The following DSG2 variants were observed in gnomAD, a reference collection of about 807,000 sequenced individuals.
DSG2 encodes desmoglein 2.
DSG2 carries 45 observed loss-of-function variants against 75.6 expected under a neutral mutation model. The observed-to-expected ratio is 0.60, with a 90% CI of 0.47 to 0.76. The LOEUF is 0.76. Among genes scored for constraint, DSG2 ranks in the 30% least tolerant of loss-of-function variants. The pLI is 0.00. For synonymous variants in DSG2, 429 were observed against 483.9 expected, an observed-to-expected ratio of 0.89 and a Z score of 1.49; for missense variants, 1,267 against 1,357.4, an observed-to-expected ratio of 0.93 and a Z score of 1.05.
rs1259239046 is a variant in DSG2 at position 31,548,935 on chromosome 18, G to T, written c.*2192G>T. ...TGTTAGGGAGAGTGCCTTAAAGGCAGGTGTTTCTTGGACTTTGTTATTTAA... is the reference window on the plus strand; with the variant it reads ...TGTTAGGGAGAGTGCCTTAAAGGCATGTGTTTCTTGGACTTTGTTATTTAA... On this transcript the variant is annotated 3_prime_UTR_variant, in exon 15 of 15. Coordinates refer to ENST00000261590, the MANE Select transcript of DSG2 (RefSeq NM_001943.5). 6.6e-6 allele frequency: 1 copy of T among 152,148 alleles called. No homozygotes were observed. The highest frequency in any genetic ancestry group is 1.5e-5 in the Non-Finnish European group (1 of 68,020). 9.4% of individuals were successfully genotyped at this position (152,148 alleles called of 1,614,324 possible).
chr18:31,498,356 C>G (rs1366292980), intron 1 of DSG2, 60 bp downstream of exon 1: 1 of 1,244,864 alleles, frequency 8.0e-7, no homozygotes, highest in East Asian at 3.2e-5. Flanking sequence ...TAGGCGAGGT[C>G]TAGACCTCGC....
At chr18:31,512,335 T>C (rs1316295461) in intron 1 of DSG2, among the ~76,000 whole-genome samples, 1 of 152,184 alleles carries the variant, frequency 6.6e-6, no homozygotes. Context: ...CATTCACAGG[T>C]CTCTGTTGCC....
chr18:31,505,034 T>G (rs2073031958), intron 1 of DSG2, among the ~76,000 whole-genome samples: 1 of 152,168 alleles, frequency 6.6e-6, no homozygotes. Flanking sequence ...TCTTGCACAG[T>G]ACTGCCAAAA....
At chr18:31,524,362 G>A (rs2073147818) in intron 6 of DSG2, 86 bp from the exon 7 acceptor site, 1 of 1,523,338 alleles carries the variant, frequency 6.6e-7, no homozygotes. Context: ...ATATACTGTG[G>A]TACGTGATAA....
chr18:31,499,446 T>G (rs576896556), intron 1 of DSG2, among the ~76,000 whole-genome samples: 112 of 151,982 alleles, frequency 7.4e-4, no homozygotes, highest in African/African-American at 2.5e-3. Flanking sequence ...AACTCTCAGG[T>G]GGAAGAGCAT....
At chr18:31,525,573 T>C (rs773747979) in intron 8 of DSG2, among the ~76,000 whole-genome samples, 2 of 150,366 alleles carry the variant, frequency 1.3e-5, no homozygotes, top group African/African-American at 2.4e-5. Flanking sequence ...ACTAATAACA[T>C]CTAAAAATAA....
At position 31,536,301 on chromosome 18, in the gene DSG2, A is replaced by T. The variant is rs760273177; in HGVS notation, c.1523A>T (p.His508Leu). The T allele has an allele frequency of 6.2e-7, 1 of 1,614,204 alleles. No individual in the cohort carries two copies. Among genetic ancestry groups the T allele is most frequent in the Non-Finnish European group, 8.5e-7 (1 of 1,180,036 alleles). ...ATAGAGCCTGTGCAGACAATCTGTC[A>T]CGATGCAGAGTATGTGAATGTTACT... is the stretch of plus-strand genomic sequence containing the variant. ...TLIEPVQTIC[H>L]DAEYVNVTAE... is the part of the protein sequence containing the mutation. Residue 508 changes from histidine (H) to leucine (L), a missense_variant, in exon 11 of 15, where the codon CAC becomes CTC. His to Leu is a moderately conservative substitution (Grantham distance 99). Transcript: ENST00000261590.
intron 14 of DSG2, 135 bp downstream of exon 14, chr18:31,542,987 A>ATACT: frequency 6.6e-6 from 5 of 757,766 alleles, no homozygotes; most frequent in Non-Finnish European, 1.0e-5. Flanking sequence ...TTTTCAGGGA[A>ATACT]TACTTATAGG....
chr18:31,526,688 G>A (rs2073164831), intron 8 of DSG2, among the ~76,000 whole-genome samples: 1 of 152,182 alleles, frequency 6.6e-6, no homozygotes, highest in Non-Finnish European at 1.5e-5. Flanking sequence ...TGACAGAGGT[G>A]CTAGCATAGA....
chr18:31,537,511 C>T (rs1397282551), intron 11 of DSG2, among the ~76,000 whole-genome samples: 2 of 151,750 alleles, frequency 1.3e-5, no homozygotes, highest in African/African-American at 2.4e-5. Flanking sequence ...CCCAGCTACT[C>T]GGGAGGCTGA....
chr18:31,501,354 A>G (rs1391583430), intron 1 of DSG2, among the ~76,000 whole-genome samples: 2 of 152,212 alleles, frequency 1.3e-5, no homozygotes, highest in African/African-American at 2.4e-5. Flanking sequence ...TAAGGATTCA[A>G]TGATAGCAGA....
intron 5 of DSG2, among the ~76,000 whole-genome samples, 178 bp from the exon 6 acceptor site, chr18:31,521,905 T>A (rs1051106084): frequency 6.6e-6 from 1 of 152,226 alleles, no homozygotes; most frequent in Non-Finnish European, 1.5e-5. Flanking sequence ...TTTACTATTG[T>A]TATATCCCAT....
Position 31,546,694 on chromosome 18 carries a change from C to G in DSG2, c.3308C>G (p.Ser1103Cys), listed in dbSNP as rs2073314462. The part of the protein sequence containing the change: ...SGHSNSTITT[S>C]STRVTKHSTV... ...CATTCTAATTCTACCATAACCACAT[C>G]TTCCACCAGAGTTACCAAGCATAGC... The change falls in exon 15 of 15, where the codon TCT (serine) becomes TGT (cysteine). Residue 1103 changes from serine (S) to cysteine (C), a missense_variant. Transcript: ENST00000261590. The G allele has an allele frequency of 1.2e-6, 2 of 1,614,206 alleles. No homozygotes were observed. The highest frequency in any genetic ancestry group is 1.1e-5 in the South Asian group (1 of 91,090).
intron 8 of DSG2, among the ~76,000 whole-genome samples, chr18:31,527,042 C>T (rs1049446028): frequency 4.6e-5 from 7 of 152,042 alleles, no homozygotes; most frequent in African/African-American, 1.7e-4. Flanking sequence ...CCTTCATATC[C>T]ATTCACTCAC....
At position 31,518,142 on chromosome 18, in the gene DSG2, G is replaced by A. The variant is rs1461657094; in HGVS notation, c.46-97G>A. 11 of 988,876 alleles carry A rather than the reference G, an allele frequency of 1.1e-5. No individual in the cohort carries two copies. The African/African-American group carries it at 1.8e-4, about 16-fold the overall frequency. 61.3% of individuals were successfully genotyped at this position (988,876 alleles called of 1,614,324 possible). ...GTAGTAGTGGTTAAACTTTTTTTAT[G>A]TCTATAATATTCAATGCAGTAGGTT... On this transcript the variant is annotated intron_variant, in intron 1 of 14. Coordinates refer to ENST00000261590, the MANE Select transcript of DSG2 (RefSeq NM_001943.5).
Position 31,528,963 on chromosome 18 carries a change from C to G in DSG2, c.1015-2024C>G, listed in dbSNP as rs145783187. Among the ~76,000 whole-genome samples, 148 of 152,128 alleles carry G rather than the reference C, an allele frequency of 9.7e-4. No homozygotes were observed. The East Asian group carries it at 0.012, about 13-fold the overall frequency. ...TGATGATTGCAAATCCAGAACTCATCATGCTGTACACTTAAAATGGGCAAA... is the reference window on the plus strand; with the variant it reads ...TGATGATTGCAAATCCAGAACTCATGATGCTGTACACTTAAAATGGGCAAA... On this transcript the variant is annotated intron_variant, in intron 8 of 14. Coordinates refer to ENST00000261590, the MANE Select transcript of DSG2 (RefSeq NM_001943.5).
intron 1 of DSG2, among the ~76,000 whole-genome samples, chr18:31,513,520 G>C (rs1168716204): frequency 6.6e-6 from 1 of 152,238 alleles, no homozygotes; most frequent in Non-Finnish European, 1.5e-5. Flanking sequence ...TCAGCTCCAT[G>C]AGCTAGGCAG....
chr18:31,513,370 T>G (rs1256088842), intron 1 of DSG2, among the ~76,000 whole-genome samples: 2 of 152,196 alleles, frequency 1.3e-5, no homozygotes, highest in Non-Finnish European at 2.9e-5. Context: ...ATGCATGTGC[T>G]TCTCTTCTAA....
intron 8 of DSG2, 54 bp from the exon 9 acceptor site, chr18:31,530,933 T>C: frequency 6.4e-7 from 1 of 1,573,234 alleles, no homozygotes; most frequent in Non-Finnish European, 8.7e-7. Context: ...TGTATATGTA[T>C]ACATGTCTTC....
Sources: gnomAD v4.1 joint callset for allele counts (sites outside exome capture counted in the v4.1 genomes callset) on GRCh38, gnomAD v4.1.1 for gene constraint, MANE v1.5 for transcripts, NCBI Gene and HGNC (gene_info 2026-07-23, HGNC 2026-07-21) for gene names.